The following SLCO1A2 variants were observed in gnomAD, a reference collection of about 807,000 sequenced individuals.
The protein encoded by SLCO1A2 is OATP-1.
Under a neutral mutation model 69.0 loss-of-function variants are expected in SLCO1A2, and 67 were observed. That is an observed-to-expected ratio of 0.97 (90% CI 0.80 to 1.19). The LOEUF (loss-of-function observed/expected upper bound fraction) is 1.19. Among genes scored for constraint, SLCO1A2 ranks in the 50% most tolerant of loss-of-function variants. SLCO1A2 has a pLI of 0.00. For missense variants in SLCO1A2, 787 were observed against 793.7 expected (o/e 0.99, Z 0.10); for synonymous variants, 260 against 265.9 (o/e 0.98, Z 0.22).
At chr12:21,411,219 A>G (rs989608220) in intron 1 of SLCO1A2, among the ~76,000 whole-genome samples, 1 of 152,252 alleles carries the variant, frequency 6.6e-6, no homozygotes, top group African/African-American at 2.4e-5. Context: ...GTTGTTAAAA[A>G]ACAGAACTCT....
At chr12:21,310,825 G>A (rs549255053) in intron 4 of SLCO1A2, among the ~76,000 whole-genome samples, 2 of 152,104 alleles carry the variant, frequency 1.3e-5, no homozygotes, top group Non-Finnish European at 2.9e-5. Flanking sequence ...GGATGGTCTT[G>A]ATCTCCTGAC....
intron 11 of SLCO1A2, 91 bp from the exon 12 acceptor site, chr12:21,292,427 G>C: frequency 1.0e-6 from 1 of 959,290 alleles, no homozygotes; most frequent in Non-Finnish European, 1.6e-6. Flanking sequence ...TCAAGATGGA[G>C]ACTGCTTGTT....
chr12:21,318,163 C>G (rs1406728918), intron 3 of SLCO1A2, among the ~76,000 whole-genome samples: 1 of 151,688 alleles, frequency 6.6e-6, no homozygotes, highest in African/African-American at 2.4e-5. Flanking sequence ...CACTCTCACC[C>G]AGGCTGGAGT....
At chr12:21,317,667 T>G (rs1010588683) in intron 3 of SLCO1A2, among the ~76,000 whole-genome samples, 1 of 152,204 alleles carries the variant, frequency 6.6e-6, no homozygotes, top group African/African-American at 2.4e-5. Flanking sequence ...CAGGCTAAGA[T>G]CTAAAGGAGT....
At chr12:21,323,448 C>T (rs1476952083) in intron 2 of SLCO1A2, among the ~76,000 whole-genome samples, 2 of 152,122 alleles carry the variant, frequency 1.3e-5, no homozygotes, top group Admixed American at 1.3e-4. Context: ...GCCTGTAGTG[C>T]CAGCTACCTG....
intron 2 of SLCO1A2, among the ~76,000 whole-genome samples, chr12:21,340,738 C>T (rs1307538601): frequency 1.3e-5 from 2 of 151,786 alleles, no homozygotes; most frequent in South Asian, 2.1e-4. Context: ...ACTCCACGTG[C>T]AATACTTGTC....
intron 11 of SLCO1A2, 140 bp downstream of exon 11, chr12:21,293,803 CAT>C: frequency 1.7e-6 from 1 of 586,784 alleles, no homozygotes; most frequent in South Asian, 3.4e-5. Flanking sequence ...AAGTGACCAT[CAT>C]AGAGTTATTT....
Position 21,334,732 on chromosome 12 carries a change from T to C in SLCO1A2, c.-62-23A>G, listed in dbSNP as rs1051168360. 5.6e-6 allele frequency: 6 copies of C among 1,071,246 alleles called. No individual in the cohort carries two copies. In the African/African-American group the frequency reaches 8.1e-5, roughly 14 times the overall value. 66.4% of individuals were successfully genotyped at this position (1,071,246 alleles called of 1,614,324 possible). On this transcript the variant is annotated intron_variant, in intron 1 of 14. Coordinates refer to ENST00000683939, the MANE Select transcript of SLCO1A2 (RefSeq NM_001386879.1). ...ACCCTTTCAAGCAAACAAAAAAATA[T>C]GTTAAATTAACTACAAAATTGTAAA...
chr12:21,382,952 T>G (rs1273188798), intron 1 of SLCO1A2, among the ~76,000 whole-genome samples: 1 of 152,126 alleles, frequency 6.6e-6, no homozygotes, highest in Non-Finnish European at 1.5e-5. Context: ...CAAATAAAAA[T>G]ATTTTTCTTT....
chr12:21,378,181 T>C (rs1591900095), intron 1 of SLCO1A2: 8 of 1,488,018 alleles, frequency 5.4e-6, no homozygotes, highest in Non-Finnish European at 7.5e-6. Flanking sequence ...GTCACATGGC[T>C]GGATCCAGCT....
intron 2 of SLCO1A2, among the ~76,000 whole-genome samples, chr12:21,348,496 G>T (rs1279900444): frequency 1.3e-5 from 2 of 152,106 alleles, no homozygotes; most frequent in African/African-American, 4.8e-5. Flanking sequence ...AAGAATATGT[G>T]ATGTTTGCCA....
intron 2 of SLCO1A2, among the ~76,000 whole-genome samples, chr12:21,371,876 C>G (rs956085114): frequency 1.9e-4 from 29 of 151,994 alleles, no homozygotes; most frequent in African/African-American, 6.8e-4. Flanking sequence ...GTGATGCATG[C>G]CTGTAATCCC....
chr12:21,341,207 G>A (rs1199141126), intron 2 of SLCO1A2, among the ~76,000 whole-genome samples: 1 of 151,908 alleles, frequency 6.6e-6, no homozygotes, highest in East Asian at 1.9e-4. Context: ...CTCTCCACAG[G>A]TGTGTGTGGG....
At chr12:21,299,467 A>T (rs1266224381) in intron 8 of SLCO1A2, among the ~76,000 whole-genome samples, 1 of 151,746 alleles carries the variant, frequency 6.6e-6, no homozygotes, top group Non-Finnish European at 1.5e-5. Context: ...ATCATTTTTA[A>T]ATTTTTTTAC....
chr12:21,389,939 C>T (rs888629585), intron 1 of SLCO1A2, among the ~76,000 whole-genome samples: 3 of 149,608 alleles, frequency 2.0e-5, no homozygotes, highest in Non-Finnish European at 3.0e-5. Flanking sequence ...TAGTATATTA[C>T]TAATATACTT....
chr12:21,331,351 A>T (rs190381857), intron 2 of SLCO1A2, among the ~76,000 whole-genome samples: 26 of 152,254 alleles, frequency 1.7e-4, no homozygotes, highest in African/African-American at 6.0e-4. Flanking sequence ...TAAGACAGGA[A>T]GCTGCAACAG....
At chr12:21,398,795 G>A (rs1027698015), upstream of SLCO1A2, among the ~76,000 whole-genome samples, 2 of 149,438 alleles carry the variant, frequency 1.3e-5, no homozygotes, top group East Asian at 2.2e-4. Flanking sequence ...CTCAATAGAT[G>A]CAGAAAAGGC....
intron 2 of SLCO1A2, chr12:21,319,335 T>C: frequency 7.3e-7 from 1 of 1,367,778 alleles, no homozygotes; most frequent in South Asian, 1.1e-5. Flanking sequence ...CAAATATACT[T>C]AAGTTCTCTC....
At chr12:21,412,149 G>A (rs1256107065) in intron 1 of SLCO1A2, among the ~76,000 whole-genome samples, 1 of 152,196 alleles carries the variant, frequency 6.6e-6, no homozygotes, top group African/African-American at 2.4e-5. Flanking sequence ...GGGAGGCCAA[G>A]GCGGGCGGAT....
Sources: gnomAD v4.1 joint callset for allele counts (sites outside exome capture counted in the v4.1 genomes callset) on GRCh38, gnomAD v4.1.1 for gene constraint, MANE v1.5 for transcripts, NCBI Gene and HGNC (gene_info 2026-07-23, HGNC 2026-07-21) for gene names.